ARHGAP35: variants seen among roughly 807,000 people sequenced by gnomAD.
ARHGAP35 encodes the protein Rho GTPase activating protein 35.
A neutral mutation model predicts 111.1 loss-of-function variants in ARHGAP35; 15 were observed. The observed-to-expected ratio is 0.13, with a 90% CI of 0.09 to 0.21. The LOEUF (loss-of-function observed/expected upper bound fraction) is 0.21, where lower values mean the gene tolerates loss of function less well. ARHGAP35 is among the 10% of genes least tolerant of loss of function. The pLI, the probability that ARHGAP35 is intolerant of heterozygous loss-of-function variation, is 1.00. For synonymous variants in ARHGAP35, 643 were observed against 710.3 expected (o/e 0.91, Z 1.51); for missense variants, 1,262 against 1,873.0 (o/e 0.67, Z 6.02).
intron 1 of ARHGAP35, among the ~76,000 whole-genome samples, chr19:46,905,211 T>G (rs2056100205): frequency 6.6e-6 from 1 of 152,162 alleles, no homozygotes; most frequent in African/African-American, 2.4e-5. Context: ...TTTGAACTTC[T>G]TAAAAACAAA....
rs1156650445 is a variant in ARHGAP35, at chr19:46,988,385, T to C, written c.3904+319T>C. The C allele has an allele frequency of 1.8e-5, 6 of 332,348 alleles. No individual in the cohort carries two copies. The highest frequency in any genetic ancestry group is 3.5e-5 in the Non-Finnish European group (6 of 171,878). 20.6% of individuals were successfully genotyped at this position (332,348 alleles called of 1,614,324 possible). ...CTGAAGAGCTTTGCCTGTTTTCCCA[T>C]GCAGAGCTAGTTGCAGGCACATGAT... On this transcript the variant is annotated intron_variant, in intron 4 of 6. Coordinates refer to ENST00000672722, the MANE Select transcript of ARHGAP35 (RefSeq NM_004491.5). The surrounding 1 kb of genome is among the most constrained non-coding windows in gnomAD (Gnocchi z 5.4).
chr19:46,915,527 T>G (rs1339911416), intron 1 of ARHGAP35, among the ~76,000 whole-genome samples: 1 of 152,204 alleles, frequency 6.6e-6, no homozygotes, highest in East Asian at 1.9e-4. Flanking sequence ...TCCCATTCAT[T>G]GCTCCCTGGT....
chr19:46,880,946 TC>T (rs1261369289), intron 1 of ARHGAP35, among the ~76,000 whole-genome samples: 3 of 148,898 alleles, frequency 2.0e-5, no homozygotes, highest in Non-Finnish European at 4.4e-5. Flanking sequence ...AAATGAATGT[TC>T]TTTTTTTTTT....
intron 2 of ARHGAP35, among the ~76,000 whole-genome samples, chr19:46,927,595 C>T (rs1160579029): frequency 6.6e-6 from 1 of 152,186 alleles, no homozygotes; most frequent in Non-Finnish European, 1.5e-5. Context: ...TAATAGAGGG[C>T]TGTGGCTACC....
chr19:46,862,941 T>G (rs1338217583), intron 1 of ARHGAP35, among the ~76,000 whole-genome samples: 3 of 152,174 alleles, frequency 2.0e-5, no homozygotes, highest in Non-Finnish European at 2.9e-5. Context: ...CTTTCCTATG[T>G]ATTCCCCCCC....
chr19:46,900,003 A>T (rs1393476606), intron 1 of ARHGAP35, among the ~76,000 whole-genome samples: 1 of 152,024 alleles, frequency 6.6e-6, no homozygotes, highest in African/African-American at 2.4e-5. Context: ...ATAAATAATG[A>T]ATTCTGATTT....
At chr19:46,962,004 A>G (rs894937983) in intron 3 of ARHGAP35, among the ~76,000 whole-genome samples, 1 of 151,948 alleles carries the variant, frequency 6.6e-6, no homozygotes, top group East Asian at 1.9e-4. Context: ...GAAGGGAAGG[A>G]AAGGATTGGG....
intron 3 of ARHGAP35, among the ~76,000 whole-genome samples, chr19:46,981,221 T>C (rs2056618711): frequency 6.6e-6 from 1 of 152,228 alleles, no homozygotes; most frequent in Admixed American, 6.5e-5. Flanking sequence ...GCCTTAGACT[T>C]AGTCTTGCAT....
At chr19:46,984,558 A>C (rs1276614330) in intron 3 of ARHGAP35, among the ~76,000 whole-genome samples, 1 of 152,156 alleles carries the variant, frequency 6.6e-6, no homozygotes, top group East Asian at 1.9e-4. Flanking sequence ...ATGTCTAATT[A>C]GTAGTTACGA....
rs1241638846 is a variant in ARHGAP35 at position 47,002,836 on chromosome 19, C to T, written c.*2148C>T. 6.6e-6 allele frequency: 1 copy of T among 152,284 alleles called. No homozygotes were observed. The highest frequency in any genetic ancestry group is 1.5e-5 in the Non-Finnish European group (1 of 68,100). 9.4% of individuals were successfully genotyped at this position (152,284 alleles called of 1,614,324 possible). On this transcript the variant is annotated 3_prime_UTR_variant, in exon 7 of 7. Coordinates refer to ENST00000672722, the MANE Select transcript of ARHGAP35 (RefSeq NM_004491.5). ...TGAGCACAAAAGCCACGTCCCAAGCCACCTGGCCCGATTCCACAGATGTAT... is the reference window on the plus strand; with the variant it reads ...TGAGCACAAAAGCCACGTCCCAAGCTACCTGGCCCGATTCCACAGATGTAT...
intron 3 of ARHGAP35, among the ~76,000 whole-genome samples, chr19:46,965,540 C>T (rs1182041224): frequency 2.0e-5 from 3 of 151,886 alleles, no homozygotes; most frequent in Non-Finnish European, 4.4e-5. Context: ...GCTGGTGTGC[C>T]GTGGCACAGT....
Position 46,901,095 on chromosome 19 carries a change from GGCACAGTAGTAGGTGCTT to G in ARHGAP35, c.-188-17390_-188-17373del, listed in dbSNP as rs1240630638. Among the ~76,000 whole-genome samples, 1 of 152,214 alleles carries G rather than the reference GGCACAGTAGTAGGTGCTT, an allele frequency of 6.6e-6. No individual in the cohort carries two copies. The highest frequency in any genetic ancestry group is 1.5e-5 in the Non-Finnish European group (1 of 68,046). ...TATCCACATGCCTAGTACAGTGCCT[GGCACAGTAGTAGGTGCTT>G]GCTCAGTAATTTTCATTGAATGATT... On this transcript the variant is annotated intron_variant, in intron 1 of 6. Coordinates refer to ENST00000672722, the MANE Select transcript of ARHGAP35 (RefSeq NM_004491.5). This position sits in a 1 kb window ranked among gnomAD's most constrained non-coding sequence, Gnocchi z 4.5.
intron 1 of ARHGAP35, among the ~76,000 whole-genome samples, chr19:46,871,187 T>A (rs983859429): frequency 9.9e-5 from 15 of 152,214 alleles, no homozygotes; most frequent in Non-Finnish European, 1.9e-4. Flanking sequence ...TTTCTACTCG[T>A]GTTGTTAATT....
At chr19:46,995,212 C>T (rs916100457) in intron 5 of ARHGAP35, among the ~76,000 whole-genome samples, 3 of 152,096 alleles carry the variant, frequency 2.0e-5, no homozygotes, top group African/African-American at 4.8e-5. Context: ...GTCAGGAGTT[C>T]GAGACCAGCC....
rs1198579110 is a variant in ARHGAP35 at position 46,999,368 on chromosome 19, A to G, written c.4101A>G (p.Glu1367=). ...AGGTATTAAAGAAATTTCCAAAGGA[A>G]AACCACGAAGTCTTCAAGTATGTCA... is the stretch of plus-strand genomic sequence containing the variant. The part of the protein sequence containing the change: ...LKEVLKKFPK[E]NHEVFKYVIS... Residue 1367 remains glutamate, a synonymous_variant, in exon 6 of 7, where the codon GAA becomes GAG. Coordinates refer to ENST00000672722, the MANE Select transcript of ARHGAP35 (RefSeq NM_004491.5). This position sits in a 1 kb window ranked among gnomAD's most constrained non-coding sequence, Gnocchi z 5.4. 6.3e-7 allele frequency: 1 copy of G among 1,595,236 alleles called. No homozygotes were observed. Among genetic ancestry groups the G allele is most frequent in the Non-Finnish European group, 8.5e-7 (1 of 1,170,956 alleles).
rs183757431 is a variant in ARHGAP35 at position 46,995,484 on chromosome 19, G to A, written c.4037-3820G>A. On this transcript the variant is annotated intron_variant, in intron 5 of 6. Transcript: ENST00000672722. ...CCTGTCCTGTCAGAGGATTACTACA[G>A]TCAGAGAGGGCTCTGCCGCGTGCAG... Among the ~76,000 whole-genome samples, 7 of 152,340 alleles carry A rather than the reference G, an allele frequency of 4.6e-5. No individual in the cohort carries two copies. The East Asian group carries it at 1.3e-3, about 29-fold the overall frequency.
intron 1 of ARHGAP35, among the ~76,000 whole-genome samples, chr19:46,907,527 G>A (rs552830350): frequency 6.6e-6 from 1 of 150,866 alleles, no homozygotes; most frequent in East Asian, 2.0e-4. Flanking sequence ...GTCTCGCTCT[G>A]TCCAGCAGTG....
rs1468851633 is a variant in ARHGAP35 at position 46,895,366 on chromosome 19, G to A, written c.-188-23122G>A. On this transcript the variant is annotated intron_variant, in intron 1 of 6. Coordinates refer to ENST00000672722, the MANE Select transcript of ARHGAP35 (RefSeq NM_004491.5). Reference sequence around the variant, plus strand: ...TTGTTAGTAGAGGCGGGGTTTCACCGTGTTAGCCAGGATAGTCTTCGATCT... The same window carrying A: ...TTGTTAGTAGAGGCGGGGTTTCACCATGTTAGCCAGGATAGTCTTCGATCT... 2.6e-5 allele frequency among the ~76,000 whole-genome samples: 4 copies of A among 151,896 alleles called. No homozygotes were observed. In the East Asian group the frequency reaches 5.9e-4, roughly 22 times the overall value.
intron 1 of ARHGAP35, among the ~76,000 whole-genome samples, chr19:46,885,792 A>AT (rs1274869284): frequency 6.6e-6 from 1 of 151,324 alleles, no homozygotes; most frequent in African/African-American, 2.4e-5. Flanking sequence ...TTTAATCTTA[A>AT]TTTTTTTAAT....
Sources: gnomAD v4.1 joint callset for allele counts (sites outside exome capture counted in the v4.1 genomes callset) on GRCh38, gnomAD v4.1.1 for gene constraint, Gnocchi (gnomAD v3.1) non-coding constraint, MANE v1.5 for transcripts, NCBI Gene and HGNC (gene_info 2026-07-23, HGNC 2026-07-21) for gene names.